FHIT: variants seen among roughly 807,000 people sequenced by gnomAD.
FHIT encodes fragile histidine triad diadenosine triphosphatase, also known as bis(5'-adenosyl)-triphosphatase.
FHIT carries 19 observed loss-of-function variants against 17.9 expected under a neutral mutation model. The observed-to-expected ratio is 1.06, with a 90% CI of 0.74 to 1.56. The LOEUF (loss-of-function observed/expected upper bound fraction) is 1.56. Ranked by LOEUF, FHIT falls within the 40% of genes most tolerant of loss-of-function variation. FHIT has a pLI of 0.00. For missense variants in FHIT, 248 were observed against 189.2 expected, an observed-to-expected ratio of 1.31 and a Z score of -1.82; for synonymous variants, 81 against 69.7, an observed-to-expected ratio of 1.16 and a Z score of -0.81.
intron 5 of FHIT, among the ~76,000 whole-genome samples, chr3:60,292,754 A>C (rs1576432170): frequency 6.6e-6 from 1 of 152,308 alleles, no homozygotes; most frequent in East Asian, 1.9e-4. Context: ...ACATCAAGAA[A>C]AGCTTTCTAT....
chr3:59,784,252 A>G (rs1702736111), intron 8 of FHIT, among the ~76,000 whole-genome samples: 1 of 151,712 alleles, frequency 6.6e-6, no homozygotes, highest in Non-Finnish European at 1.5e-5. Flanking sequence ...TCTTGCCACT[A>G]TTTTCTTCCT....
intron 4 of FHIT, among the ~76,000 whole-genome samples, chr3:60,670,210 T>C (rs1411260672): frequency 2.0e-5 from 3 of 152,200 alleles, no homozygotes; most frequent in African/African-American, 7.2e-5. Context: ...GAATTAACAT[T>C]AGCATATGGT....
chr3:60,412,532 C>T (rs1702100762), intron 5 of FHIT, among the ~76,000 whole-genome samples: 1 of 152,022 alleles, frequency 6.6e-6, no homozygotes, highest in Admixed American at 6.6e-5. Flanking sequence ...GAATTGTACT[C>T]AGTATTAGTC....
chr3:61,210,458 A>T (rs1449581414), intron 1 of FHIT, among the ~76,000 whole-genome samples: 1 of 152,150 alleles, frequency 6.6e-6, no homozygotes, highest in African/African-American at 2.4e-5. Flanking sequence ...ATCCACCCAG[A>T]GCGAGCTTCC....
rs1488503748 is a variant in FHIT, at chr3:60,027,116, C to G, written c.104-12964G>C. Among the ~76,000 whole-genome samples, 164 of 119,886 alleles carry G rather than the reference C, an allele frequency of 1.4e-3. 3 individuals carry two copies. Among genetic ancestry groups the G allele is most frequent in the African/African-American group, 5.4e-3 (153 of 28,372 alleles). The allele number at this position is 119,886 out of a possible 152,430, so 78.6% of individuals were successfully genotyped here. A position where few individuals can be genotyped will look rare whatever the true frequency, so the allele number is the denominator to read the frequency against. ...AGACTGTTTCACACACAGACACACACACACACACACACACACACACACACA... is the reference window on the plus strand; with the variant it reads ...AGACTGTTTCACACACAGACACACAGACACACACACACACACACACACACA... On this transcript the variant is annotated intron_variant, in intron 5 of 9. Transcript: ENST00000492590.
intron 5 of FHIT, among the ~76,000 whole-genome samples, chr3:60,382,711 A>T (rs997853440): frequency 6.6e-6 from 1 of 152,168 alleles, no homozygotes; most frequent in African/African-American, 2.4e-5. Context: ...CCACTTAGGA[A>T]TTGTTTTTTG....
chr3:60,086,430 T>A (rs1484039549), intron 5 of FHIT, among the ~76,000 whole-genome samples: 1 of 152,182 alleles, frequency 6.6e-6, no homozygotes, highest in Non-Finnish European at 1.5e-5. Flanking sequence ...ATCTCAATAG[T>A]CCCAAAAGTC....
intron 5 of FHIT, among the ~76,000 whole-genome samples, chr3:60,249,603 G>T (rs1431789494): frequency 6.6e-6 from 1 of 151,162 alleles, no homozygotes; most frequent in Non-Finnish European, 1.5e-5. Flanking sequence ...GGACAAATTA[G>T]AAAGGCCCAG....
chr3:60,650,769 CA>C (rs2039971827), intron 4 of FHIT, among the ~76,000 whole-genome samples: 2 of 152,140 alleles, frequency 1.3e-5, no homozygotes, highest in African/African-American at 4.8e-5. Context: ...TTTTTACTTT[CA>C]GAGGCACATA....
At chr3:60,155,344 C>A (rs868730460) in intron 5 of FHIT, among the ~76,000 whole-genome samples, 34 of 152,184 alleles carry the variant, frequency 2.2e-4, no homozygotes, top group African/African-American at 7.7e-4. Flanking sequence ...AAGCCAGCAA[C>A]AGATCCTGAA....
intron 1 of FHIT, among the ~76,000 whole-genome samples, chr3:61,230,519 T>A (rs1042369257): frequency 3.3e-5 from 5 of 152,170 alleles, no homozygotes; most frequent in African/African-American, 9.7e-5. Context: ...TCTATTTTTT[T>A]AATAAATTAC....
chr3:59,970,282 T>C (rs981383412), intron 7 of FHIT, among the ~76,000 whole-genome samples: 3 of 152,124 alleles, frequency 2.0e-5, no homozygotes, highest in Non-Finnish European at 2.9e-5. Context: ...ATTCTTTAAT[T>C]ACATGAGATT....
intron 5 of FHIT, among the ~76,000 whole-genome samples, chr3:60,245,801 T>C (rs2107581452): frequency 6.6e-6 from 1 of 152,156 alleles, no homozygotes; most frequent in Non-Finnish European, 1.5e-5. Context: ...TATTGGCAAC[T>C]GATCCAGAAA....
At chr3:60,239,937 C>T (rs9830224) in intron 5 of FHIT, among the ~76,000 whole-genome samples, 18,139 of 152,088 alleles carry the variant, frequency 0.12, 2,817 homozygotes, top group African/African-American at 0.36. Flanking sequence ...TTGGTCAGTT[C>T]GCCTCCCTAA....
At chr3:60,724,919 G>C (rs1303060207) in intron 4 of FHIT, among the ~76,000 whole-genome samples, 7 of 152,052 alleles carry the variant, frequency 4.6e-5, no homozygotes, top group African/African-American at 1.7e-4. Context: ...AAAGTGCTGG[G>C]ATTACAGGCA....
intron 5 of FHIT, among the ~76,000 whole-genome samples, chr3:60,331,860 A>AAG (rs1553746073): frequency 2.6e-5 from 4 of 151,370 alleles, no homozygotes; most frequent in African/African-American, 4.9e-5. Context: ...AAAAAAAAAA[A>AAG]AGAGAGAAAA....
At chr3:61,248,563 C>T (rs2106956306) in intron 1 of FHIT, among the ~76,000 whole-genome samples, 1 of 152,204 alleles carries the variant, frequency 6.6e-6, no homozygotes, top group Non-Finnish European at 1.5e-5. Context: ...CATGTGAATG[C>T]AAACATAGTG....
intron 2 of FHIT, among the ~76,000 whole-genome samples, chr3:61,135,786 T>G (rs2106973874): frequency 6.6e-6 from 1 of 152,334 alleles, no homozygotes; most frequent in South Asian, 2.1e-4. Flanking sequence ...CAATGTGTTT[T>G]CATCAAATAC....
intron 5 of FHIT, among the ~76,000 whole-genome samples, chr3:60,335,596 G>C (rs1710196754): frequency 1.3e-5 from 2 of 152,068 alleles, no homozygotes; most frequent in African/African-American, 4.8e-5. Context: ...CATCATCATT[G>C]GGTACTTGAT....
Sources: gnomAD v4.1 joint callset for allele counts (sites outside exome capture counted in the v4.1 genomes callset) on GRCh38, gnomAD v4.1.1 for gene constraint, MANE v1.5 for transcripts, NCBI Gene and HGNC (gene_info 2026-07-23, HGNC 2026-07-21) for gene names.